Variants in MAP4K4 observed in about 807,000 individuals in gnomAD.
The protein encoded by MAP4K4 is mitogen-activated protein kinase kinase kinase kinase 4.
MAP4K4 carries 38 observed loss-of-function variants against 189.6 expected under a neutral mutation model. The ratio of observed to expected loss-of-function variants is 0.20; its 90% CI spans 0.15 to 0.26. The LOEUF (loss-of-function observed/expected upper bound fraction) is 0.26, where lower values mean the gene tolerates loss of function less well. MAP4K4 is among the 10% of genes least tolerant of loss of function. MAP4K4 has a pLI of 1.00. For missense variants in MAP4K4, 1,054 were observed against 1,726.9 expected (o/e 0.61, Z 6.91); for synonymous variants, 610 against 624.3 (o/e 0.98, Z 0.34).
At chr2:101,881,813 G>A (rs1418543851) in intron 27 of MAP4K4, among the ~76,000 whole-genome samples, 1 of 152,176 alleles carries the variant, frequency 6.6e-6, no homozygotes, top group Non-Finnish European at 1.5e-5. Context: ...GCTTGTTGAT[G>A]TGTGTGGCTG....
chr2:101,844,075 C>G, intron 11 of MAP4K4, 26 bp from the exon 12 acceptor site: 4 of 1,563,252 alleles, frequency 2.6e-6, no homozygotes, highest in Non-Finnish European at 3.5e-6. Flanking sequence ...GGTGCACACC[C>G]CTGAAAGCCC....
At chr2:101,853,670 G>A (rs2097354094) in intron 12 of MAP4K4, among the ~76,000 whole-genome samples, 1 of 152,090 alleles carries the variant, frequency 6.6e-6, no homozygotes, top group Non-Finnish European at 1.5e-5. Context: ...CCCAGCACAT[G>A]AATGAGAAAG....
chr2:101,716,270 C>T (rs1023590233), intron 2 of MAP4K4, among the ~76,000 whole-genome samples: 3 of 152,032 alleles, frequency 2.0e-5, no homozygotes, highest in South Asian at 2.1e-4. Flanking sequence ...GGTGAAACGC[C>T]GTCTCTACTA....
chr2:101,710,213 C>T (rs2044643194), intron 2 of MAP4K4, among the ~76,000 whole-genome samples: 1 of 152,212 alleles, frequency 6.6e-6, no homozygotes, highest in South Asian at 2.1e-4. Context: ...TTAAGTGACA[C>T]AATTCACTGG....
chr2:101,785,715 T>TTTTCCTTTTTTGAGTTGGAGTCTTG (rs1475779489), intron 2 of MAP4K4, among the ~76,000 whole-genome samples: 1 of 7,168 alleles, frequency 1.4e-4, no homozygotes, highest in East Asian at 5.6e-3. Flanking sequence ...TCTCTCTCTC[T>TTTTCCTTTTTTGAGTTGGAGTCTTG]CTCTCTCTCT....
At chr2:101,842,704 G>A (rs752894327) in intron 11 of MAP4K4, 23 bp downstream of exon 11, 9 of 1,585,240 alleles carry the variant, frequency 5.7e-6, no homozygotes, top group South Asian at 4.6e-5. Context: ...CCACTGTTCA[G>A]TATCCTGCTT....
intron 13 of MAP4K4, among the ~76,000 whole-genome samples, chr2:101,857,777 A>G (rs2097524870): frequency 6.6e-6 from 1 of 152,106 alleles, no homozygotes; most frequent in Non-Finnish European, 1.5e-5. Flanking sequence ...AGGTTTTCTA[A>G]GGATTTTTAT....
chr2:101,835,950 C>G, exon 9 of MAP4K4: 3 of 1,613,694 alleles, frequency 1.9e-6, no homozygotes, highest in Non-Finnish European at 2.5e-6. Context: ...TCCCAGAAAC[C>G]CTCCTCCCCG....
At chr2:101,845,114 G>A (rs1169737690) in intron 12 of MAP4K4, among the ~76,000 whole-genome samples, 2 of 150,502 alleles carry the variant, frequency 1.3e-5, no homozygotes, top group Admixed American at 6.6e-5. Context: ...TTCACACCTT[G>A]ATATCAGAGT....
chr2:101,887,808 A>T, exon 31 of MAP4K4: 1 of 1,612,278 alleles, frequency 6.2e-7, no homozygotes, highest in Non-Finnish European at 8.5e-7. Context: ...CCATGCAATC[A>T]TCATCCTCCC....
chr2:101,739,595 A>T (rs1256388568), intron 2 of MAP4K4, among the ~76,000 whole-genome samples: 3 of 152,092 alleles, frequency 2.0e-5, no homozygotes, highest in African/African-American at 4.8e-5. Context: ...GGCTTATTGG[A>T]TATATTTACT....
chr2:101,763,897 C>T (rs556657958), intron 2 of MAP4K4, among the ~76,000 whole-genome samples: 25 of 152,070 alleles, frequency 1.6e-4, no homozygotes, highest in Admixed American at 4.6e-4. Context: ...AGTGTTTCAT[C>T]ACAAGGCTGT....
intron 2 of MAP4K4, among the ~76,000 whole-genome samples, chr2:101,737,441 ATATATATATATATATATATATTTTTTT>A (rs1558650755): frequency 1.8e-4 from 6 of 32,662 alleles, no homozygotes; most frequent in African/African-American, 9.3e-4. Context: ...ATATATATAT[ATATATATATATATATATATATTTTTTT>A]TTTTTTTTTT....
chr2:101,767,669 G>A (rs1036259514), intron 2 of MAP4K4, among the ~76,000 whole-genome samples: 12 of 152,130 alleles, frequency 7.9e-5, no homozygotes, highest in Non-Finnish European at 1.3e-4. Context: ...TCTAGCTCAG[G>A]GTCCTCAGCA....
chr2:101,801,010 T>G (rs2148973727), intron 3 of MAP4K4, among the ~76,000 whole-genome samples: 1 of 138,036 alleles, frequency 7.2e-6, no homozygotes, highest in South Asian at 2.4e-4. Flanking sequence ...CCCAACAAAT[T>G]TTGTATAATC....
chr2:101,790,559 ATTG>A (rs1389449669), intron 2 of MAP4K4, among the ~76,000 whole-genome samples, 158 bp from the exon 3 acceptor site: 4 of 152,170 alleles, frequency 2.6e-5, no homozygotes, highest in African/African-American at 4.8e-5. Context: ...TATAAACCAT[ATTG>A]TTGTATTGGA....
chr2:101,865,513 G>T (rs148935656), intron 18 of MAP4K4, among the ~76,000 whole-genome samples: 2 of 152,218 alleles, frequency 1.3e-5, no homozygotes, highest in African/African-American at 4.8e-5. Context: ...ATTAGCTACA[G>T]AAGCTTCCTT....
intron 2 of MAP4K4, among the ~76,000 whole-genome samples, 153 bp from the exon 3 acceptor site, chr2:101,790,567 A>G (rs1367002344): frequency 3.3e-5 from 5 of 152,168 alleles, no homozygotes; most frequent in Non-Finnish European, 5.9e-5. Context: ...ATATTGTTGT[A>G]TTGGAGAGCA....
Position 101,702,427 on chromosome 2 carries a change from G to C in MAP4K4, c.123+3889G>C, listed in dbSNP as rs768523687. ...ACTAAAAATACCGAAAAATTAGCCGGGTGTAGTGGGGGGTGCCTGTAATCC... is the reference window on the plus strand; with the variant it reads ...ACTAAAAATACCGAAAAATTAGCCGCGTGTAGTGGGGGGTGCCTGTAATCC... On this transcript the variant is annotated intron_variant, in intron 2 of 32. Coordinates refer to ENST00000324219, the Ensembl canonical transcript of MAP4K4. Among the ~76,000 whole-genome samples the C allele has an allele frequency of 4.8e-4, 73 of 152,132 alleles. 1 individual carries two copies. Among genetic ancestry groups the C allele is most frequent in the South Asian group, 2.1e-4 (1 of 4,806 alleles).
Sources: gnomAD v4.1 joint callset for allele counts (sites outside exome capture counted in the v4.1 genomes callset) on GRCh38, gnomAD v4.1.1 for gene constraint, MANE v1.5 for transcripts, NCBI Gene and HGNC (gene_info 2026-07-23, HGNC 2026-07-21) for gene names.